PDE1A: variants seen among roughly 807,000 people sequenced by gnomAD.
PDE1A encodes the protein phosphodiesterase 1A.
A neutral mutation model predicts 61.7 loss-of-function variants in PDE1A; 35 were observed. The ratio of observed to expected loss-of-function variants is 0.57; its 90% CI spans 0.43 to 0.75. PDE1A has a LOEUF of 0.75. PDE1A is among the 30% of genes least tolerant of loss of function. The probability of loss-of-function intolerance (pLI) is 0.00; values close to 1 mark genes in which losing one functional copy is unlikely to be tolerated. For synonymous variants in PDE1A, 232 were observed against 213.2 expected (o/e 1.09, Z -0.77); for missense variants, 597 against 630.6 (o/e 0.95, Z 0.57).
At chr2:182,494,298 CA>C (rs36076255) in intron 2 of PDE1A, among the ~76,000 whole-genome samples, 10 of 147,032 alleles carry the variant, frequency 6.8e-5, no homozygotes, top group East Asian at 4.0e-4. Flanking sequence ...TTGGATTCTA[CA>C]AAAAAAAAAG....
chr2:182,372,464 CAT>C (rs1700171965), intron 1 of PDE1A, among the ~76,000 whole-genome samples: 2 of 152,144 alleles, frequency 1.3e-5, no homozygotes, highest in Admixed American at 1.3e-4. Flanking sequence ...AAACTTTGAA[CAT>C]GTCACAGACC....
At chr2:182,636,581 G>A in the PDE1A span, among the ~76,000 whole-genome samples, 3 of 152,240 alleles carry the variant, frequency 2.0e-5, no homozygotes, top group East Asian at 1.9e-4. Context: ...TCAAACAAAC[G>A]TATTTTGCTT....
At chr2:182,192,731 T>C (rs1685802944) in intron 10 of PDE1A, among the ~76,000 whole-genome samples, 1 of 152,104 alleles carries the variant, frequency 6.6e-6, no homozygotes, top group Non-Finnish European at 1.5e-5. Flanking sequence ...AAATGGAAAC[T>C]CAAGGCAGCC....
chr2:182,178,771 G>C (rs1684501963), intron 13 of PDE1A, among the ~76,000 whole-genome samples: 1 of 152,052 alleles, frequency 6.6e-6, no homozygotes, highest in South Asian at 2.1e-4. Flanking sequence ...CTGTCCTTCA[G>C]CCCTGAGAAG....
At chr2:182,308,441 AT>A (rs1315911902) in intron 1 of PDE1A, among the ~76,000 whole-genome samples, 1 of 152,152 alleles carries the variant, frequency 6.6e-6, no homozygotes, top group Non-Finnish European at 1.5e-5. Context: ...CCGAAATGTA[AT>A]TTAAAGTCAT....
the PDE1A span, among the ~76,000 whole-genome samples, chr2:182,606,959 C>A: frequency 8.5e-5 from 13 of 152,200 alleles, no homozygotes; most frequent in African/African-American, 3.1e-4. Context: ...AAGGTGCTGC[C>A]GCTGAGGAGA....
chr2:182,489,291 GA>G (rs1688229801), intron 2 of PDE1A, among the ~76,000 whole-genome samples: 1 of 152,152 alleles, frequency 6.6e-6, no homozygotes, highest in Admixed American at 6.5e-5. Flanking sequence ...AAAAGGACAT[GA>G]AGTTAAAAAG....
the PDE1A span, among the ~76,000 whole-genome samples, chr2:182,574,751 G>A: frequency 1.3e-5 from 2 of 152,090 alleles, no homozygotes; most frequent in Non-Finnish European, 2.9e-5. Context: ...GAGTGCATTG[G>A]CACAACCTCG....
At chr2:182,400,071 G>A (rs990940053) in intron 1 of PDE1A, among the ~76,000 whole-genome samples, 4 of 151,978 alleles carry the variant, frequency 2.6e-5, no homozygotes, top group African/African-American at 9.7e-5. Context: ...ATGAAATATT[G>A]TTTTAATTTG....
intron 1 of PDE1A, among the ~76,000 whole-genome samples, chr2:182,326,686 T>C (rs1470930295): frequency 1.3e-5 from 2 of 152,202 alleles, no homozygotes; most frequent in Non-Finnish European, 2.9e-5. Context: ...AATGGTATGC[T>C]TACAAATGTT....
intron 1 of PDE1A, among the ~76,000 whole-genome samples, chr2:182,319,603 A>AT (rs1696571796): frequency 6.6e-6 from 1 of 152,158 alleles, no homozygotes; most frequent in Non-Finnish European, 1.5e-5. Context: ...CTAAGGAATA[A>AT]TTTTCCCCAA....
Position 182,432,450 on chromosome 2 carries a change from T to A in PDE1A, c.101+89826A>T, listed in dbSNP as rs572322603. On this transcript the variant is annotated intron_variant, in intron 2 of 14. Transcript: ENST00000410103. The stretch of plus-strand genomic sequence containing the variant: ...GTTGTTGTTGTTGTTGTTGTTGTAG[T>A]TGTTGTTGTTATTTTCCTTATAGCT... Among the ~76,000 whole-genome samples, 46 of 152,046 alleles carry A rather than the reference T, an allele frequency of 3.0e-4. No homozygotes were observed. In the South Asian group the frequency reaches 9.0e-3, roughly 30 times the overall value.
At chr2:182,550,583 T>C in the PDE1A span, among the ~76,000 whole-genome samples, 2 of 152,192 alleles carry the variant, frequency 1.3e-5, no homozygotes, top group African/African-American at 2.4e-5. Flanking sequence ...TAATGAACAA[T>C]TACGACGCTC....
chr2:182,492,313 G>A (rs1214996498), intron 2 of PDE1A, among the ~76,000 whole-genome samples: 4 of 151,988 alleles, frequency 2.6e-5, no homozygotes, highest in African/African-American at 4.8e-5. Context: ...TTAAGTGCTC[G>A]ACTTCTTAAG....
the PDE1A span, among the ~76,000 whole-genome samples, chr2:182,704,399 A>C: frequency 6.6e-6 from 1 of 152,038 alleles, no homozygotes; most frequent in African/African-American, 2.4e-5. Flanking sequence ...GGCTAGGGGG[A>C]AAAGGCATAA....
intron 1 of PDE1A, among the ~76,000 whole-genome samples, chr2:182,333,445 T>G (rs1697560535): frequency 6.6e-6 from 1 of 152,096 alleles, no homozygotes; most frequent in Non-Finnish European, 1.5e-5. Flanking sequence ...ACCGCACAAT[T>G]ACATGGAAAC....
chr2:182,533,941 T>C, the PDE1A span, among the ~76,000 whole-genome samples: 3 of 152,142 alleles, frequency 2.0e-5, no homozygotes, highest in Admixed American at 6.5e-5. Context: ...GTGTATTTCA[T>C]GGTTTAACTC....
the PDE1A span, among the ~76,000 whole-genome samples, chr2:182,656,178 C>T: frequency 6.6e-6 from 1 of 152,190 alleles, no homozygotes; most frequent in Non-Finnish European, 1.5e-5. Context: ...CATCATGATA[C>T]CACATTACCC....
chr2:182,156,023 G>A (rs1328690458), intron 13 of PDE1A, among the ~76,000 whole-genome samples: 1 of 152,042 alleles, frequency 6.6e-6, no homozygotes, highest in East Asian at 1.9e-4. Context: ...TTATAAATGG[G>A]AACTCCCCTG....
Sources: allele counts gnomAD v4.1 joint callset (sites outside exome capture counted in the v4.1 genomes callset), GRCh38; gene constraint gnomAD v4.1.1; transcripts MANE v1.5; gene names NCBI Gene and HGNC (gene_info 2026-07-23, HGNC 2026-07-21).